Variants in SMAD2 observed in about 807,000 individuals in gnomAD.
SMAD2 encodes the protein MAD homolog 2.
A neutral mutation model predicts 64.4 loss-of-function variants in SMAD2; 8 were observed. The ratio of observed to expected loss-of-function variants is 0.12; its 90% CI spans 0.07 to 0.22. The LOEUF (loss-of-function observed/expected upper bound fraction) is 0.22, where lower values mean the gene tolerates loss of function less well. SMAD2 is among the 10% of genes least tolerant of loss of function. SMAD2 has a pLI of 1.00. For missense variants in SMAD2, 289 were observed against 561.2 expected (o/e 0.51, Z 4.90); for synonymous variants, 203 against 195.8 (o/e 1.04, Z -0.31).
rs1913023995 is a variant in SMAD2 at position 47,832,217 on chromosome 18, T to C, written c.*9610A>G. The C allele has an allele frequency of 6.6e-6, 1 of 152,202 alleles. No homozygotes were observed. 9.4% of individuals were successfully genotyped at this position (152,202 alleles called of 1,614,324 possible). A position where few individuals can be genotyped will look rare whatever the true frequency, so the allele number is the denominator to read the frequency against. On this transcript the variant is annotated 3_prime_UTR_variant, in exon 11 of 11. Transcript: ENST00000262160. ...TGTGGAATTATGGATGCTAGGGCCA[T>C]TATAAAAATCTCCTGATACAGAACA... is the stretch of plus-strand genomic sequence containing the variant.
chr18:47,845,265 A>AG, intron 10 of SMAD2, 75 bp downstream of exon 10: 1 of 1,363,878 alleles, frequency 7.3e-7, no homozygotes, highest in Non-Finnish European at 1.0e-6. Flanking sequence ...ATACAAATGA[A>AG]CTCCAGAATA....
At chr18:47,886,799 G>C (rs2032933800) in intron 2 of SMAD2, 1 of 161,912 alleles carries the variant, frequency 6.2e-6, no homozygotes, top group South Asian at 2.0e-4. Context: ...GTTGGATTTT[G>C]AGAGTAAAGA....
intron 1 of SMAD2, among the ~76,000 whole-genome samples, chr18:47,913,891 T>C (rs1050665703): frequency 6.6e-6 from 1 of 152,226 alleles, no homozygotes; most frequent in Non-Finnish European, 1.5e-5. Flanking sequence ...CAATAAGTGA[T>C]ACTTACATAA....
At chr18:47,879,407 C>T (rs1490749265) in intron 2 of SMAD2, among the ~76,000 whole-genome samples, 1 of 151,718 alleles carries the variant, frequency 6.6e-6, no homozygotes, top group African/African-American at 2.4e-5. Flanking sequence ...TCTGGAAAGT[C>T]TATGTATGAA....
chr18:47,920,928 G>A (rs1475371322), intron 1 of SMAD2, among the ~76,000 whole-genome samples: 1 of 152,234 alleles, frequency 6.6e-6, no homozygotes, highest in East Asian at 1.9e-4. Context: ...GCCGTGGCAG[G>A]CAAATCGCTT....
At chr18:47,918,866 C>G (rs1378242757) in intron 1 of SMAD2, among the ~76,000 whole-genome samples, 1 of 152,064 alleles carries the variant, frequency 6.6e-6, no homozygotes, top group Non-Finnish European at 1.5e-5. Context: ...AAGACTGGTT[C>G]CAGAGGTCCA....
intron 2 of SMAD2, among the ~76,000 whole-genome samples, chr18:47,885,944 A>G (rs1369079931): frequency 6.6e-6 from 1 of 152,242 alleles, no homozygotes; most frequent in Non-Finnish European, 1.5e-5. Context: ...CCTGGACGAC[A>G]GAGCCAGACG....
At chr18:47,888,530 G>T (rs939332755) in intron 2 of SMAD2, among the ~76,000 whole-genome samples, 1 of 152,196 alleles carries the variant, frequency 6.6e-6, no homozygotes, top group Non-Finnish European at 1.5e-5. Flanking sequence ...TGTTTCAGGG[G>T]TTAGGTGACA....
Position 47,841,866 on chromosome 18 carries a change from C to T in SMAD2, c.1365G>A (p.Gln455=), listed in dbSNP as rs1246082894. The T allele has an allele frequency of 6.2e-7, 1 of 1,614,146 alleles. No homozygotes were observed. The highest frequency in any genetic ancestry group is 1.7e-5 in the Admixed American group (1 of 60,022). The change falls in exon 11 of 11, where the codon CAG becomes CAA. Residue 455 remains glutamine (Q), a synonymous_variant. Transcript: ENST00000262160. ...AGCAACGCACTGAAGGGGATCCCATCTGAGTTAATACTTTGTCCAACCACT... is the reference window on the plus strand; with the variant it reads ...AGCAACGCACTGAAGGGGATCCCATTTGAGTTAATACTTTGTCCAACCACT... ...PLQWLDKVLT[Q]MGSPSVRCSS...
At chr18:47,929,183 T>C (rs920456005) in intron 1 of SMAD2, among the ~76,000 whole-genome samples, 2 of 152,226 alleles carry the variant, frequency 1.3e-5, no homozygotes, top group Non-Finnish European at 2.9e-5. Flanking sequence ...CACTAATTCA[T>C]GTATTAAAAC....
In SMAD2 at chr18:47,818,990, T is replaced by G. The variant is rs1912469741; in HGVS notation, c.*22837A>C. 1 of 152,246 alleles carries G rather than the reference T, an allele frequency of 6.6e-6. No homozygotes were observed. Among genetic ancestry groups the G allele is most frequent in the Non-Finnish European group, 1.5e-5 (1 of 68,052 alleles). The allele number at this position is 152,246 out of a possible 1,614,324, so 9.4% of individuals were successfully genotyped here. A position where few individuals can be genotyped will look rare whatever the true frequency, so the allele number is the denominator to read the frequency against. On this transcript the variant is annotated 3_prime_UTR_variant, in exon 11 of 11. Coordinates refer to ENST00000262160, the MANE Select transcript of SMAD2 (RefSeq NM_005901.6). ...GTTTGTGTATGTGTATGTTTAGGTGTGTTTACACATATGTATATATATGTT... is the reference window on the plus strand; with the variant it reads ...GTTTGTGTATGTGTATGTTTAGGTGGGTTTACACATATGTATATATATGTT...
At chr18:47,907,390 C>T (rs1375254236) in intron 1 of SMAD2, among the ~76,000 whole-genome samples, 2 of 152,134 alleles carry the variant, frequency 1.3e-5, no homozygotes, top group Non-Finnish European at 2.9e-5. Flanking sequence ...CAAAAACATG[C>T]TGGGCAAAAG....
In SMAD2 at chr18:47,866,257, G is replaced by A. The variant is rs563537719; in HGVS notation, c.656-1124C>T. ...TTTGAACCCAGGAGGTGGAGGCTGC[G>A]GTGAGCCGAGATCACACCATTGTAC... On this transcript the variant is annotated intron_variant, in intron 5 of 10. Coordinates refer to ENST00000262160, the MANE Select transcript of SMAD2 (RefSeq NM_005901.6). 1.3e-3 allele frequency among the ~76,000 whole-genome samples: 197 copies of A among 146,314 alleles called. 2 individuals carry two copies. The highest frequency in any genetic ancestry group is 1.9e-3 in the Non-Finnish European group (124 of 67,008).
At chr18:47,842,728 CCA>C (rs1476320934) in intron 10 of SMAD2, among the ~76,000 whole-genome samples, 2 of 152,196 alleles carry the variant, frequency 1.3e-5, no homozygotes, top group Admixed American at 1.3e-4. Context: ...TAAACCCACA[CCA>C]CAGAGAGTGT....
rs1913181871 is a variant in SMAD2, at chr18:47,834,115, A to G, written c.*7712T>C. 4.7e-6 allele frequency: 1 copy of G among 214,312 alleles called. No homozygotes were observed. The highest frequency in any genetic ancestry group is 9.4e-6 in the Non-Finnish European group (1 of 106,280). The allele number at this position is 214,312 out of a possible 1,614,324, so 13.3% of individuals were successfully genotyped here. On this transcript the variant is annotated 3_prime_UTR_variant, in exon 11 of 11. Transcript: ENST00000262160. The stretch of plus-strand genomic sequence containing the variant: ...AGTACTAAATGACTGGATGGCACAT[A>G]TCCCAATAAGTATCAGAAATGTTGA...
rs867506944 is a variant in SMAD2 at position 47,850,384 on chromosome 18, A to G, written c.784+890T>C. ...ATGTATAATATATATTATATATATT[A>G]TATAATATATATTATATATTATGTA... On this transcript the variant is annotated intron_variant, in intron 7 of 10. Coordinates refer to ENST00000262160, the MANE Select transcript of SMAD2 (RefSeq NM_005901.6). Among the ~76,000 whole-genome samples, 10 of 22,180 alleles carry G rather than the reference A, an allele frequency of 4.5e-4. 1 individual carries two copies. The highest frequency in any genetic ancestry group is 2.3e-3 in the Admixed American group (2 of 864). 14.6% of individuals were successfully genotyped at this position (22,180 alleles called of 152,430 possible).
rs1233651846 is a variant in SMAD2, at chr18:47,835,591, TATA to T, written c.*6233_*6235del. 1 of 194,588 alleles carries T rather than the reference TATA, an allele frequency of 5.1e-6. No homozygotes were observed. Among genetic ancestry groups the T allele is most frequent in the African/African-American group, 2.3e-5 (1 of 43,244 alleles). 12.1% of individuals were successfully genotyped at this position (194,588 alleles called of 1,614,324 possible). On this transcript the variant is annotated 3_prime_UTR_variant, in exon 11 of 11. Transcript: ENST00000262160. ...ACAGACAAATGCTAAAAACCAGCTT[TATA>T]ATAACAGCATTATAAAGGATAGAAC...
chr18:47,856,691 T>C (rs181492900), intron 6 of SMAD2, among the ~76,000 whole-genome samples: 3 of 152,272 alleles, frequency 2.0e-5, no homozygotes, highest in Admixed American at 2.0e-4. Flanking sequence ...GAATCTGACA[T>C]CCTACTGAAT....
intron 2 of SMAD2, among the ~76,000 whole-genome samples, chr18:47,881,233 T>A (rs889156779): frequency 3.3e-5 from 5 of 152,162 alleles, no homozygotes; most frequent in Admixed American, 1.3e-4. Context: ...AGAGCATACC[T>A]GGCCATATGA....
Sources: gnomAD v4.1 joint callset for allele counts (sites outside exome capture counted in the v4.1 genomes callset) on GRCh38, gnomAD v4.1.1 for gene constraint, MANE v1.5 for transcripts, NCBI Gene and HGNC (gene_info 2026-07-23, HGNC 2026-07-21) for gene names.